STYXL1: variants seen among roughly 807,000 people sequenced by gnomAD.
The protein encoded by STYXL1 is serine/threonine/tyrosine-interacting-like protein 1.
STYXL1 carries 32 observed loss-of-function variants against 36.4 expected under a neutral mutation model. That is an observed-to-expected ratio of 0.88 (90% CI 0.66 to 1.18). The LOEUF (loss-of-function observed/expected upper bound fraction) is 1.18. Ranked by LOEUF, STYXL1 falls within the 50% of genes most tolerant of loss-of-function variation. STYXL1 has a pLI of 0.00. For missense variants in STYXL1, 354 were observed against 394.1 expected (o/e 0.90, Z 0.86); for synonymous variants, 133 against 144.1 (o/e 0.92, Z 0.55).
intron 1 of STYXL1, among the ~76,000 whole-genome samples, chr7:76,041,846 T>C (rs965847804): frequency 1.3e-5 from 2 of 152,220 alleles, no homozygotes; most frequent in Non-Finnish European, 2.9e-5. Flanking sequence ...GAAATAGCTG[T>C]CTTGGCAGAT....
At chr7:75,997,438 A>G (rs782506889) in intron 8 of STYXL1, among the ~76,000 whole-genome samples, 1 of 152,162 alleles carries the variant, frequency 6.6e-6, no homozygotes, top group East Asian at 1.9e-4. Flanking sequence ...TGTCTCAAAA[A>G]CAAAAAAGGA....
chr7:76,017,533 G>A (rs369937138), intron 4 of STYXL1, among the ~76,000 whole-genome samples: 5 of 151,784 alleles, frequency 3.3e-5, no homozygotes, highest in African/African-American at 2.4e-5. Flanking sequence ...ATAAAGATGC[G>A]GAACAACACA....
chr7:76,024,256 G>A (rs1794412658), intron 3 of STYXL1, among the ~76,000 whole-genome samples: 1 of 152,172 alleles, frequency 6.6e-6, no homozygotes, highest in Non-Finnish European at 1.5e-5. Flanking sequence ...AAAAGGGGGA[G>A]GTGTTGGGCA....
chr7:76,013,889 T>A lies in STYXL1; in HGVS notation c.308-2A>T. On this transcript the variant is annotated splice_acceptor_variant, in intron 4 of 8. Coordinates refer to ENST00000359697, the MANE Select transcript of STYXL1 (RefSeq NM_001317785.2). LOFTEE classifies it high-confidence loss of function. ...CAATGGCTGCTTGAGGCACAAGATC[T>A]GAGAGTGGAGACCAAAGACATGAAT... 6.2e-7 allele frequency: 1 copy of A among 1,607,858 alleles called. No individual in the cohort carries two copies. The highest frequency in any genetic ancestry group is 1.1e-5 in the South Asian group (1 of 90,280).
At chr7:76,036,635 T>C (rs1795928721) in intron 1 of STYXL1, among the ~76,000 whole-genome samples, 2 of 139,058 alleles carry the variant, frequency 1.4e-5, no homozygotes, top group Non-Finnish European at 3.2e-5. Flanking sequence ...CAAGATCAAG[T>C]CTTTTCCATG....
rs10268929 is a variant in STYXL1 at position 76,024,881 on chromosome 7, G to A, written c.166-2889C>T. Among the ~76,000 whole-genome samples the A allele has an allele frequency of 6.1e-3, 906 of 147,732 alleles. 10 individuals are homozygous for A. The highest frequency in any genetic ancestry group is 0.022 in the African/African-American group (858 of 39,708). On this transcript the variant is annotated intron_variant, in intron 3 of 8. Coordinates refer to ENST00000359697, the MANE Select transcript of STYXL1 (RefSeq NM_001317785.2). The stretch of plus-strand genomic sequence containing the variant: ...GAAGAATTGCCTGAACCTGGGAAGC[G>A]GAGGTTGCAGTGAGCCAAGATCGTA...
At chr7:75,999,699 C>T (rs1790625459) in intron 8 of STYXL1, among the ~76,000 whole-genome samples, 2 of 151,924 alleles carry the variant, frequency 1.3e-5, no homozygotes, top group Non-Finnish European at 2.9e-5. Context: ...AGGCACGCAC[C>T]ACCACGCCCA....
intron 5 of STYXL1, among the ~76,000 whole-genome samples, chr7:76,011,559 G>A (rs1792553320): frequency 6.6e-6 from 1 of 152,208 alleles, no homozygotes; most frequent in Non-Finnish European, 1.5e-5. Context: ...TGCTCACGAT[G>A]TTGCTAAGGG....
At chr7:76,013,682 G>A in intron 5 of STYXL1, 60 bp downstream of exon 5, 2 of 1,609,882 alleles carry the variant, frequency 1.2e-6, no homozygotes, top group Non-Finnish European at 1.7e-6. Flanking sequence ...TCACCCACAA[G>A]TCAGTTTCTA....
chr7:75,999,294 T>A (rs2116720309), intron 8 of STYXL1, among the ~76,000 whole-genome samples: 1 of 152,274 alleles, frequency 6.6e-6, no homozygotes, highest in Admixed American at 6.5e-5. Context: ...TTATATAAGG[T>A]ACCTAGAGTA....
intron 3 of STYXL1, among the ~76,000 whole-genome samples, chr7:76,022,504 A>C (rs1218711649): frequency 6.6e-6 from 1 of 151,974 alleles, no homozygotes; most frequent in African/African-American, 2.4e-5. Context: ...ATGAAAAAAA[A>C]AAAAATACAA....
chr7:76,039,550 C>T (rs1409046079), intron 1 of STYXL1, among the ~76,000 whole-genome samples: 1 of 152,160 alleles, frequency 6.6e-6, no homozygotes, highest in African/African-American at 2.4e-5. Flanking sequence ...CAGAGGGACA[C>T]CAGGTCCCAC....
intron 1 of STYXL1, among the ~76,000 whole-genome samples, chr7:76,043,306 T>G (rs1210114419): frequency 6.6e-6 from 1 of 151,752 alleles, no homozygotes; most frequent in East Asian, 1.9e-4. Flanking sequence ...CGTGCCCAAC[T>G]AATTTTTTGT....
rs781897217 is a variant in STYXL1 at position 75,996,462 on chromosome 7, A to G, written c.*6T>C. 1 of 1,614,160 alleles carries G rather than the reference A, an allele frequency of 6.2e-7. No homozygotes were observed. The highest frequency in any genetic ancestry group is 8.5e-7 in the Non-Finnish European group (1 of 1,179,992). On this transcript the variant is annotated 3_prime_UTR_variant, in exon 9 of 9. Transcript: ENST00000359697. ...TTCAGTACCCTTCGGTGGGCCTCGG[A>G]GAAGATCAGTAGAGCGGATCCATGA...
rs782245806 is a variant in STYXL1, at chr7:76,046,274, C to CTG, written c.-5+1386_-5+1387dup. On this transcript the variant is annotated intron_variant, in intron 1 of 8. Transcript: ENST00000359697. ...CTTCCAGCATGTCTCAGCTTATCTG[C>CTG]TGTGTGTGTGTGTGTGTGTGTGTGT... 8.9e-4 allele frequency among the ~76,000 whole-genome samples: 92 copies of CTG among 103,152 alleles called. 1 individual carries two copies. The highest frequency in any genetic ancestry group is 3.1e-3 in the African/African-American group (71 of 22,908). 67.7% of individuals were successfully genotyped at this position (103,152 alleles called of 152,430 possible). A position where few individuals can be genotyped will look rare whatever the true frequency, so the allele number is the denominator to read the frequency against.
chr7:76,005,056 T>C (rs1423680383), intron 6 of STYXL1, among the ~76,000 whole-genome samples: 10 of 151,870 alleles, frequency 6.6e-5, no homozygotes, highest in African/African-American at 2.2e-4. Context: ...TTAGGAGATA[T>C]ACCTAATGCT....
chr7:76,024,758 G>A (rs1794474835), intron 3 of STYXL1, among the ~76,000 whole-genome samples: 1 of 152,050 alleles, frequency 6.6e-6, no homozygotes, highest in African/African-American at 2.4e-5. Flanking sequence ...AGACCAGCCT[G>A]ACCAATATGG....
In STYXL1 at chr7:76,028,703, T is replaced by C. The variant is rs1188425442; in HGVS notation, c.104A>G (p.Asp35Gly). The change falls in exon 3 of 9, where the codon GAT becomes GGT. Residue 35 changes from aspartate to glycine, a missense_variant and splice_region_variant. Coordinates refer to ENST00000359697, the MANE Select transcript of STYXL1 (RefSeq NM_001317785.2). ...GTCATACTCCCATTTGGAACGGACA[T>C]CTGGAAAGGAAACGTATTTAAGAAC... Reference protein sequence around the residue: ...LTDPNYLCLLDVRSKWEYDES... With the variant: ...LTDPNYLCLLGVRSKWEYDES... 8.7e-6 allele frequency: 14 copies of C among 1,613,946 alleles called. No individual in the cohort carries two copies. Among genetic ancestry groups the C allele is most frequent in the African/African-American group, 4.0e-5 (3 of 74,914 alleles).
intron 1 of STYXL1, among the ~76,000 whole-genome samples, chr7:76,036,292 G>T (rs1554580688): frequency 1.3e-5 from 2 of 149,622 alleles, no homozygotes; most frequent in Non-Finnish European, 3.0e-5. Context: ...GTAGTGACGG[G>T]GTTTCACCAT....
Sources: allele counts gnomAD v4.1 joint callset (sites outside exome capture counted in the v4.1 genomes callset), GRCh38; gene constraint gnomAD v4.1.1; transcripts MANE v1.5; gene names NCBI Gene and HGNC (gene_info 2026-07-23, HGNC 2026-07-21).